NAALADL2: variants seen among roughly 807,000 people sequenced by gnomAD.
The protein encoded by NAALADL2 is inactive N-acetylated-alpha-linked acidic dipeptidase-like protein 2.
A neutral mutation model predicts 87.2 loss-of-function variants in NAALADL2; 76 were observed. That is an observed-to-expected ratio of 0.87 (90% CI 0.72 to 1.05). NAALADL2 has a LOEUF of 1.05. Among genes scored for constraint, NAALADL2 ranks in the 50% least tolerant of loss-of-function variants. The pLI is 0.00. For missense variants in NAALADL2, 1,089 were observed against 945.8 expected, an observed-to-expected ratio of 1.15 and a Z score of -1.99; for synonymous variants, 354 against 331.0, an observed-to-expected ratio of 1.07 and a Z score of -0.75.
At chr3:174,465,820 T>C (rs1328646023) in intron 1 of NAALADL2, among the ~76,000 whole-genome samples, 1 of 152,140 alleles carries the variant, frequency 6.6e-6, no homozygotes, top group Non-Finnish European at 1.5e-5. Flanking sequence ...TTTTTTAGTA[T>C]TACTAAAAAA....
chr3:174,920,000 C>T (rs937054863), intron 1 of NAALADL2, among the ~76,000 whole-genome samples: 21 of 152,154 alleles, frequency 1.4e-4, no homozygotes, highest in Admixed American at 7.9e-4. Context: ...CAATAGGTCT[C>T]GACAGTGGGC....
At chr3:175,493,367 C>T (rs952498450) in intron 9 of NAALADL2, among the ~76,000 whole-genome samples, 2 of 152,200 alleles carry the variant, frequency 1.3e-5, no homozygotes, top group South Asian at 2.1e-4. Flanking sequence ...GTTGTCAAAA[C>T]TGTAGTAAAA....
At chr3:174,522,357 A>G (rs1720354798) in intron 1 of NAALADL2, among the ~76,000 whole-genome samples, 1 of 152,122 alleles carries the variant, frequency 6.6e-6, no homozygotes, top group Admixed American at 6.5e-5. Context: ...TTCGTGAATG[A>G]GACTAGTGTC....
At chr3:174,986,151 C>T (rs1745834210) in intron 1 of NAALADL2, among the ~76,000 whole-genome samples, 1 of 151,324 alleles carries the variant, frequency 6.6e-6, no homozygotes, top group Admixed American at 6.6e-5. Context: ...GATTGCACCT[C>T]TCTGCATCAT....
chr3:175,345,564 G>C (rs1277469060), intron 5 of NAALADL2, among the ~76,000 whole-genome samples: 1 of 152,104 alleles, frequency 6.6e-6, no homozygotes, highest in Non-Finnish European at 1.5e-5. Context: ...AGTAAGAGTG[G>C]TTTCTAAAAT....
chr3:174,477,936 T>C (rs1246148968), intron 1 of NAALADL2, among the ~76,000 whole-genome samples: 1 of 152,156 alleles, frequency 6.6e-6, no homozygotes, highest in African/African-American at 2.4e-5. Context: ...AAAAGTTGTT[T>C]CATAGATTAA....
At chr3:174,931,333 G>A (rs1227714013) in intron 1 of NAALADL2, among the ~76,000 whole-genome samples, 3 of 152,068 alleles carry the variant, frequency 2.0e-5, no homozygotes, top group Non-Finnish European at 4.4e-5. Context: ...TTCTGGTTGT[G>A]ACCACTTGGG....
intron 1 of NAALADL2, among the ~76,000 whole-genome samples, chr3:174,867,105 A>C (rs1727242287): frequency 6.6e-6 from 1 of 151,792 alleles, no homozygotes; most frequent in Non-Finnish European, 1.5e-5. Context: ...TCTATGTAAA[A>C]TATTTAACTA....
chr3:175,667,260 A>AG (rs1733311595), intron 11 of NAALADL2, among the ~76,000 whole-genome samples: 6 of 143,726 alleles, frequency 4.2e-5, no homozygotes, highest in African/African-American at 1.1e-4. Context: ...AAAGAAAGAA[A>AG]GAAAGGAAGG....
chr3:174,657,200 G>GT (rs997057600), intron 2 of NAALADL2, among the ~76,000 whole-genome samples: 8 of 151,686 alleles, frequency 5.3e-5, no homozygotes, highest in African/African-American at 1.9e-4. Flanking sequence ...CCACATTTTT[G>GT]TTTTTGTAGA....
chr3:175,069,725 T>C lies in NAALADL2; in HGVS notation c.44-27065T>C, dbSNP rs1176399534. Among the ~76,000 whole-genome samples, 8 of 152,074 alleles carry C rather than the reference T, an allele frequency of 5.3e-5. No individual in the cohort carries two copies. The East Asian group carries it at 7.8e-4, about 15-fold the overall frequency. On this transcript the variant is annotated intron_variant, in intron 1 of 13. Transcript: ENST00000454872. ...GACACATGCACACATATGTTTATTG[T>C]GGCACTATTCACAATAGCAAAGACT...
At chr3:175,055,919 T>C (rs1227601645) in intron 1 of NAALADL2, among the ~76,000 whole-genome samples, 4 of 152,180 alleles carry the variant, frequency 2.6e-5, no homozygotes, top group Non-Finnish European at 5.9e-5. Context: ...CTAAATGTGC[T>C]TTCCTGAATT....
At chr3:175,087,645 A>G (rs1719282655) in intron 1 of NAALADL2, among the ~76,000 whole-genome samples, 1 of 152,204 alleles carries the variant, frequency 6.6e-6, no homozygotes, top group Non-Finnish European at 1.5e-5. Context: ...TGCTGTGTCC[A>G]CTCAGGGTTA....
At chr3:175,040,627 C>A (rs1204464713) in intron 1 of NAALADL2, among the ~76,000 whole-genome samples, 2 of 152,148 alleles carry the variant, frequency 1.3e-5, no homozygotes, top group Non-Finnish European at 2.9e-5. Context: ...ACACTAATAA[C>A]CTTTTTTCCA....
rs567651837 is a variant in NAALADL2, at chr3:175,630,264, G to A, written c.1896+2878G>A. Among the ~76,000 whole-genome samples the A allele has an allele frequency of 2.6e-5, 4 of 151,744 alleles. No homozygotes were observed. In the South Asian group the frequency reaches 8.3e-4, roughly 32 times the overall value. On this transcript the variant is annotated intron_variant, in intron 11 of 13. Coordinates refer to ENST00000454872, the MANE Select transcript of NAALADL2 (RefSeq NM_207015.3). The stretch of plus-strand genomic sequence containing the variant: ...ATGAAATATATAGAGGGGTTGAATC[G>A]AGTACAGGATATATGGAGCATGGGT...
At chr3:174,474,949 C>A (rs1717123392) in intron 1 of NAALADL2, among the ~76,000 whole-genome samples, 2 of 151,948 alleles carry the variant, frequency 1.3e-5, no homozygotes, top group South Asian at 4.2e-4. Flanking sequence ...ATAGACATTG[C>A]CCTTAGGATA....
At chr3:175,752,283 A>C (rs1034690452) in intron 12 of NAALADL2, among the ~76,000 whole-genome samples, 2 of 152,124 alleles carry the variant, frequency 1.3e-5, no homozygotes. Context: ...AAAAGTATAT[A>C]AGTTAATTAT....
intron 1 of NAALADL2, among the ~76,000 whole-genome samples, chr3:174,521,269 G>T (rs1578074613): frequency 6.6e-6 from 1 of 152,132 alleles, no homozygotes; most frequent in East Asian, 1.9e-4. Flanking sequence ...TCCATCAACA[G>T]TTGCATGGAT....
Position 175,803,037 on chromosome 3 carries a change from G to T in NAALADL2, c.2222G>T (p.Ser741Ile), listed in dbSNP as rs757198208. Residue 741 changes from serine to isoleucine, a missense_variant, in exon 14 of 14, where the codon AGC (serine) becomes ATC (isoleucine). Physicochemically the swap from Ser to Ile is moderately radical, Grantham distance 142. Coordinates refer to ENST00000454872, the MANE Select transcript of NAALADL2 (RefSeq NM_207015.3). ...CTCTACCACCTTGATGAAAAGACAA[G>T]CCGGTTTTCAATACTTATAGAGGCT... The part of the protein sequence containing the change: ...NILYHLDEKT[S>I]RFSILIEAWE... The T allele has an allele frequency of 1.2e-6, 2 of 1,612,088 alleles. No homozygotes were observed. Among genetic ancestry groups the T allele is most frequent in the South Asian group, 2.2e-5 (2 of 91,010 alleles).
Sources: gnomAD v4.1 joint callset for allele counts (sites outside exome capture counted in the v4.1 genomes callset) on GRCh38, gnomAD v4.1.1 for gene constraint, MANE v1.5 for transcripts, NCBI Gene and HGNC (gene_info 2026-07-23, HGNC 2026-07-21) for gene names.